The following UBR3 variants were observed in gnomAD, a reference collection of about 807,000 sequenced individuals.
UBR3 encodes ubiquitin protein ligase E3 component n-recognin 3, also known as E3 ubiquitin-protein ligase UBR3.
UBR3 carries 85 observed loss-of-function variants against 243.2 expected under a neutral mutation model. The ratio of observed to expected loss-of-function variants is 0.35; its 90% CI spans 0.29 to 0.42. The LOEUF (loss-of-function observed/expected upper bound fraction) is 0.42, where lower values mean the gene tolerates loss of function less well. Ranked by LOEUF, UBR3 falls within the 10% of genes least tolerant of loss-of-function variation. The pLI is 1.00. For missense variants in UBR3, 1,686 were observed against 2,300.8 expected, an observed-to-expected ratio of 0.73 and a Z score of 5.47; for synonymous variants, 748 against 799.8, an observed-to-expected ratio of 0.94 and a Z score of 1.09.
chr2:169,897,071 T>C (rs1485701994), intron 8 of UBR3, among the ~76,000 whole-genome samples: 1 of 152,160 alleles, frequency 6.6e-6, no homozygotes, highest in East Asian at 1.9e-4. Context: ...TATTTATAGA[T>C]ACAATAAATA....
At chr2:170,036,169 T>G (rs1416345685) in intron 31 of UBR3, among the ~76,000 whole-genome samples, 2 of 152,074 alleles carry the variant, frequency 1.3e-5, no homozygotes, top group African/African-American at 4.8e-5. Flanking sequence ...TTTCCTTTTC[T>G]TATCTTGAGG....
chr2:169,843,787 A>G (rs2082374113), intron 1 of UBR3, among the ~76,000 whole-genome samples: 1 of 152,190 alleles, frequency 6.6e-6, no homozygotes, highest in Admixed American at 6.5e-5. Context: ...TTTTGGTCTC[A>G]GGGTAAAGCT....
chr2:169,967,365 T>C (rs1283596186), intron 24 of UBR3, among the ~76,000 whole-genome samples: 2 of 151,314 alleles, frequency 1.3e-5, no homozygotes, highest in Non-Finnish European at 2.9e-5. Flanking sequence ...GGTTGAGTGC[T>C]TCAGGCACAG....
At chr2:169,935,285 C>A (rs182812550) in intron 19 of UBR3, among the ~76,000 whole-genome samples, 4 of 152,084 alleles carry the variant, frequency 2.6e-5, no homozygotes, top group Non-Finnish European at 5.9e-5. Flanking sequence ...CCCATCTTAC[C>A]CCCCTGAGTA....
intron 5 of UBR3, among the ~76,000 whole-genome samples, chr2:169,890,536 G>GATATATATATATATATATATATAT (rs1396382870): frequency 1.9e-5 from 1 of 53,632 alleles, no homozygotes; most frequent in African/African-American, 8.4e-5. Flanking sequence ...GAGAGAGAGA[G>GATATATATATATATATATATATAT]AGAGATATAT....
chr2:170,014,914 CGTT>C (rs1376236000), intron 29 of UBR3: 1 of 159,116 alleles, frequency 6.3e-6, no homozygotes, highest in Non-Finnish European at 1.4e-5. Context: ...CAGTGGCTGA[CGTT>C]GGAGTAAAAA....
chr2:169,955,679 G>A (rs1483828669), intron 23 of UBR3, among the ~76,000 whole-genome samples: 2 of 150,296 alleles, frequency 1.3e-5, no homozygotes, highest in East Asian at 2.0e-4. Flanking sequence ...CTGTAATCCC[G>A]GCTACTCAAG....
Position 169,958,320 on chromosome 2 carries a change from A to C in UBR3, c.3546-118A>C, listed in dbSNP as rs533817286. On this transcript the variant is annotated intron_variant, in intron 23 of 38. Coordinates refer to ENST00000272793, the MANE Select transcript of UBR3 (RefSeq NM_172070.4). The stretch of plus-strand genomic sequence containing the variant: ...AGAAGAAATTTAATACATAATACAG[A>C]AAATAGATTGTTCTCACCTGTGTGC... The C allele has an allele frequency of 2.0e-4, 153 of 752,628 alleles. 1 individual carries two copies. The highest frequency in any genetic ancestry group is 1.9e-3 in the South Asian group (84 of 44,968). 46.6% of individuals were successfully genotyped at this position (752,628 alleles called of 1,614,324 possible). A position where few individuals can be genotyped will look rare whatever the true frequency, so the allele number is the denominator to read the frequency against.
chr2:169,881,717 T>C (rs1335677452), intron 5 of UBR3, among the ~76,000 whole-genome samples: 1 of 140,024 alleles, frequency 7.1e-6, no homozygotes, highest in Non-Finnish European at 1.5e-5. Flanking sequence ...TATATGTATA[T>C]GTATATTTAT....
chr2:170,029,302 C>A, intron 30 of UBR3, 44 bp from the exon 31 acceptor site: 1 of 1,496,608 alleles, frequency 6.7e-7, no homozygotes, highest in Non-Finnish European at 9.1e-7. Context: ...TGTTCTGTAA[C>A]AAATGTGTGA....
At chr2:169,997,546 A>G (rs2089540681) in intron 26 of UBR3, among the ~76,000 whole-genome samples, 1 of 151,986 alleles carries the variant, frequency 6.6e-6, no homozygotes, top group African/African-American at 2.4e-5. Context: ...GAGGCATGTC[A>G]CAACTCTTTT....
chr2:169,890,544 T>TATATATATACAC lies in UBR3; in HGVS notation c.1039-612_1039-611insCACATATATATA, dbSNP rs1432140115. 1.0e-3 allele frequency among the ~76,000 whole-genome samples: 56 copies of TATATATATACAC among 56,068 alleles called. 2 individuals are homozygous for TATATATATACAC. Among genetic ancestry groups the TATATATATACAC allele is most frequent in the East Asian group, 6.6e-3 (13 of 1,980 alleles). The allele number at this position is 56,068 out of a possible 152,430, so 36.8% of individuals were successfully genotyped here. A position where few individuals can be genotyped will look rare whatever the true frequency, so the allele number is the denominator to read the frequency against. On this transcript the variant is annotated intron_variant, in intron 5 of 38. Coordinates refer to ENST00000272793, the MANE Select transcript of UBR3 (RefSeq NM_172070.4). The stretch of plus-strand genomic sequence containing the variant: ...TTTCTAGGAGAGAGAGAGAGAGATA[T>TATATATATACAC]ATATATATATATATATATATGTGTA...
chr2:170,065,601 T>A (rs989788329), intron 35 of UBR3, among the ~76,000 whole-genome samples: 2 of 152,164 alleles, frequency 1.3e-5, no homozygotes, highest in Admixed American at 1.3e-4. Flanking sequence ...ATCGTCCAAG[T>A]AAGTCTGGAG....
intron 35 of UBR3, 124 bp downstream of exon 35, chr2:170,061,567 A>G: frequency 1.7e-6 from 2 of 1,186,400 alleles, no homozygotes; most frequent in Non-Finnish European, 2.4e-6. Context: ...TGCCAGGTTC[A>G]AGCAATCCTC....
At chr2:169,889,302 G>A (rs1162486062) in intron 5 of UBR3, among the ~76,000 whole-genome samples, 1 of 152,098 alleles carries the variant, frequency 6.6e-6, no homozygotes, top group Non-Finnish European at 1.5e-5. Context: ...ATAAGGCCAG[G>A]AAATTTATAA....
At chr2:169,900,782 T>C (rs1350271769) in intron 8 of UBR3, among the ~76,000 whole-genome samples, 1 of 152,052 alleles carries the variant, frequency 6.6e-6, no homozygotes, top group Non-Finnish European at 1.5e-5. Flanking sequence ...CCTCACTTTT[T>C]ATATTCGTAT....
chr2:169,984,229 T>A (rs1222874737), intron 24 of UBR3, among the ~76,000 whole-genome samples: 1 of 152,144 alleles, frequency 6.6e-6, no homozygotes, highest in Non-Finnish European at 1.5e-5. Context: ...TCATTTAGAG[T>A]AGGGGTTTTT....
At chr2:169,842,796 G>A (rs549652555) in intron 1 of UBR3, among the ~76,000 whole-genome samples, 1 of 152,336 alleles carries the variant, frequency 6.6e-6, no homozygotes, top group African/African-American at 2.4e-5. Flanking sequence ...AACACCGCGA[G>A]GGTCCGCGGC....
At chr2:169,961,020 T>G (rs1329490347) in intron 24 of UBR3, among the ~76,000 whole-genome samples, 3 of 152,240 alleles carry the variant, frequency 2.0e-5, no homozygotes, top group Middle Eastern at 3.4e-3. Context: ...GGACCATGAC[T>G]TTGTTATGTT....
Sources: allele counts gnomAD v4.1 joint callset (sites outside exome capture counted in the v4.1 genomes callset), GRCh38; gene constraint gnomAD v4.1.1; transcripts MANE v1.5; gene names NCBI Gene and HGNC (gene_info 2026-07-23, HGNC 2026-07-21).